The following NAV3 variants were observed in gnomAD, a reference collection of about 807,000 sequenced individuals.
The protein encoded by NAV3 is neuron navigator 3, also known as pore membrane and/or filament interacting like protein 1.
A neutral mutation model predicts 244.7 loss-of-function variants in NAV3; 87 were observed. The observed-to-expected ratio is 0.36, with a 90% CI of 0.30 to 0.42. The LOEUF (loss-of-function observed/expected upper bound fraction) is 0.42, where lower values mean the gene tolerates loss of function less well. NAV3 is among the 20% of genes least tolerant of loss of function. The pLI is 1.00. For synonymous variants in NAV3, 1,126 were observed against 1,042.2 expected, an observed-to-expected ratio of 1.08 and a Z score of -1.55; for missense variants, 2,663 against 2,893.3, an observed-to-expected ratio of 0.92 and a Z score of 1.83.
At chr12:78,190,307 GT>G in intron 34 of NAV3, 88 bp downstream of exon 34, 1 of 1,044,622 alleles carries the variant, frequency 9.6e-7, no homozygotes, top group Non-Finnish European at 1.4e-6. Flanking sequence ...AGACTTCCAT[GT>G]TGTACATGGA....
At chr12:77,666,964 T>C (rs1873742405) in intron 2 of NAV3, among the ~76,000 whole-genome samples, 1 of 152,250 alleles carries the variant, frequency 6.6e-6, no homozygotes, top group African/African-American at 2.4e-5. Context: ...TTGTTACAAA[T>C]TTTATGAACT....
At chr12:77,645,169 T>C (rs937287748) in intron 2 of NAV3, among the ~76,000 whole-genome samples, 4 of 152,018 alleles carry the variant, frequency 2.6e-5, no homozygotes, top group African/African-American at 9.7e-5. Context: ...TTAAAAGAGA[T>C]GGTAAAACAG....
chr12:78,032,594 T>G (rs188855218), intron 9 of NAV3, among the ~76,000 whole-genome samples: 3 of 152,220 alleles, frequency 2.0e-5, no homozygotes, highest in Non-Finnish European at 4.4e-5. Flanking sequence ...TGATGGTAGC[T>G]CCAATAATTA....
At chr12:78,173,450 ATTAT>A (rs1341816867) in intron 24 of NAV3, among the ~76,000 whole-genome samples, 5 of 151,686 alleles carry the variant, frequency 3.3e-5, no homozygotes, top group African/African-American at 9.7e-5. Flanking sequence ...GTGAAAGTTA[ATTAT>A]TAGGAACGAG....
At chr12:77,764,131 T>C (rs1222650328) in intron 2 of NAV3, among the ~76,000 whole-genome samples, 1 of 152,262 alleles carries the variant, frequency 6.6e-6, no homozygotes, top group Non-Finnish European at 1.5e-5. Flanking sequence ...AGTGGATGAA[T>C]GCCTTCTGAA....
Position 77,852,980 on chromosome 12 carries a change from G to A in NAV3, c.243+21276G>A, listed in dbSNP as rs536896025. On this transcript the variant is annotated intron_variant, in intron 1 of 39. Transcript: ENST00000397909. The stretch of plus-strand genomic sequence containing the variant: ...TTTGCGAACATAAGAAGCGATGTCT[G>A]TTGGGTAGATCCCTAGGGGTGAAAC... Among the ~76,000 whole-genome samples the A allele has an allele frequency of 3.9e-5, 6 of 152,320 alleles. No homozygotes were observed. In the South Asian group the frequency reaches 1.2e-3, roughly 32 times the overall value.
chr12:78,157,479 T>C (rs774387730), intron 22 of NAV3, among the ~76,000 whole-genome samples: 13 of 151,992 alleles, frequency 8.6e-5, no homozygotes, highest in Non-Finnish European at 1.5e-4. Flanking sequence ...GAGGATCACT[T>C]TAGCCCAGGA....
chr12:78,017,436 A>G (rs1476602363), intron 8 of NAV3, among the ~76,000 whole-genome samples: 3 of 152,140 alleles, frequency 2.0e-5, no homozygotes, highest in Non-Finnish European at 4.4e-5. Flanking sequence ...CTATCTCAGA[A>G]AGTAAATAAA....
chr12:77,607,440 A>T (rs1184494350), intron 2 of NAV3, among the ~76,000 whole-genome samples: 2 of 152,116 alleles, frequency 1.3e-5, no homozygotes, highest in South Asian at 4.1e-4. Flanking sequence ...AATAAAGGGA[A>T]TCAAAATTTT....
At chr12:78,127,539 CT>C in intron 17 of NAV3, among the ~76,000 whole-genome samples, 1 of 152,136 alleles carries the variant, frequency 6.6e-6, no homozygotes, top group African/African-American at 2.4e-5. Flanking sequence ...GGGGCAGCAA[CT>C]TTGGTAGAAT....
At chr12:77,807,196 G>T (rs1445563622) in intron 2 of NAV3, among the ~76,000 whole-genome samples, 1 of 152,164 alleles carries the variant, frequency 6.6e-6, no homozygotes, top group Non-Finnish European at 1.5e-5. Flanking sequence ...ATATCGACAT[G>T]TGTGAATTTG....
At chr12:77,747,491 T>C (rs2135787302) in intron 2 of NAV3, among the ~76,000 whole-genome samples, 1 of 152,326 alleles carries the variant, frequency 6.6e-6, no homozygotes, top group East Asian at 1.9e-4. Context: ...CTCAGGGATG[T>C]AGAACTAGAA....
chr12:77,746,950 C>T (rs901546116), intron 2 of NAV3, among the ~76,000 whole-genome samples: 8 of 152,142 alleles, frequency 5.3e-5, no homozygotes, highest in African/African-American at 1.9e-4. Flanking sequence ...TAGAGGGACA[C>T]TTGTCAAACT....
Position 77,718,545 on chromosome 12 carries a change from T to C in NAV3, c.72+146279T>C, listed in dbSNP as rs534027713. 2.9e-4 allele frequency among the ~76,000 whole-genome samples: 44 copies of C among 152,316 alleles called. 1 individual carries two copies. In the South Asian group the frequency reaches 9.1e-3, roughly 32 times the overall value. On this transcript the variant is annotated intron_variant, in intron 2 of 8. Transcript: ENST00000550042. ...CTTTGTTTTTCTTGCTCTATATTGT[T>C]TTGGCTATTTGGGGTCCTTTGTGGT...
At chr12:78,047,183 A>T (rs1230801369) in intron 9 of NAV3, among the ~76,000 whole-genome samples, 1 of 151,968 alleles carries the variant, frequency 6.6e-6, no homozygotes, top group African/African-American at 2.4e-5. Context: ...TGGGTTGAAA[A>T]TCCTCTGCTT....
chr12:78,177,437 G>A lies in NAV3; in HGVS notation c.5297+124G>A, dbSNP rs1593917733. The A allele has an allele frequency of 3.4e-6, 4 of 1,190,608 alleles. No homozygotes were observed. In the East Asian group the frequency reaches 7.4e-5, roughly 22 times the overall value. 73.8% of individuals were successfully genotyped at this position (1,190,608 alleles called of 1,614,324 possible). On this transcript the variant is annotated intron_variant, in intron 27 of 39. Coordinates refer to ENST00000397909, the MANE Select transcript of NAV3 (RefSeq NM_001024383.2). ...CAGATTTTTCTGAGAATGATGGACA[G>A]CATTAGTTTCTCTTTTCATATTTCT...
intron 9 of NAV3, among the ~76,000 whole-genome samples, chr12:78,043,269 T>A (rs1881193926): frequency 6.6e-6 from 1 of 152,204 alleles, no homozygotes. Context: ...ACTCATCCAT[T>A]TTTATGGTTG....
chr12:77,964,282 C>T (rs534266254), intron 3 of NAV3, among the ~76,000 whole-genome samples: 1 of 152,008 alleles, frequency 6.6e-6, no homozygotes, highest in African/African-American at 2.4e-5. Context: ...ATATGAGTAA[C>T]TAAACTTTAG....
intron 1 of NAV3, among the ~76,000 whole-genome samples, chr12:77,840,834 C>G (rs577758651): frequency 1.2e-4 from 18 of 152,266 alleles, no homozygotes; most frequent in African/African-American, 4.3e-4. Context: ...TCTGAGTCTC[C>G]CTCTCTGATG....
Sources: allele counts gnomAD v4.1 joint callset (sites outside exome capture counted in the v4.1 genomes callset), GRCh38; gene constraint gnomAD v4.1.1; transcripts MANE v1.5; gene names NCBI Gene and HGNC (gene_info 2026-07-23, HGNC 2026-07-21).